The following EBF3 variants were observed in gnomAD, a reference collection of about 807,000 sequenced individuals.
EBF3 encodes the protein EBF transcription factor 3.
In EBF3, 18 loss-of-function variants were observed where a neutral mutation model predicts 77.1. The observed-to-expected ratio is 0.23, with a 90% CI of 0.16 to 0.35. The LOEUF (loss-of-function observed/expected upper bound fraction) is 0.35, where lower values mean the gene tolerates loss of function less well. Among genes scored for constraint, EBF3 ranks in the 10% least tolerant of loss-of-function variants. EBF3 has a pLI of 1.00. For missense variants in EBF3, 558 were observed against 860.0 expected (o/e 0.65, Z 4.39); for synonymous variants, 350 against 343.5 (o/e 1.02, Z -0.21).
chr10:129,916,919 T>C (rs1327436978), intron 6 of EBF3, among the ~76,000 whole-genome samples: 2 of 152,168 alleles, frequency 1.3e-5, no homozygotes, highest in Admixed American at 6.5e-5. Context: ...TGAGGGCTAG[T>C]GACCCCCAAA....
In EBF3 at chr10:129,945,927, C is replaced by T. The variant is rs778172838; in HGVS notation, c.554+11331G>A. Among the ~76,000 whole-genome samples the T allele has an allele frequency of 5.5e-4, 84 of 151,766 alleles. 1 individual carries two copies. Among genetic ancestry groups the T allele is most frequent in the Middle Eastern group, 3.2e-3 (1 of 316 alleles). ...ATTGTTTCTCTGTGGAGTGCTTTTA[C>T]GTTTAGTGGAGGCCGCTGACAAATA... On this transcript the variant is annotated intron_variant, in intron 6 of 16. Transcript: ENST00000440978.
rs148392956 is a variant in EBF3, at chr10:129,896,284, A to G, written c.555-18435T>C. On this transcript the variant is annotated intron_variant, in intron 6 of 16. Transcript: ENST00000440978. The stretch of plus-strand genomic sequence containing the variant: ...CGGATGTCAGGTGGCCTCAGTGGTC[A>G]TAGCAGCCACCATGCAAAAACAAGC... 9.0e-3 allele frequency among the ~76,000 whole-genome samples: 1,365 copies of G among 152,380 alleles called. 15 individuals carry two copies. Among genetic ancestry groups the G allele is most frequent in the South Asian group, 0.017 (82 of 4,834 alleles).
At chr10:129,907,367 G>A (rs1855217703) in intron 6 of EBF3, among the ~76,000 whole-genome samples, 1 of 152,200 alleles carries the variant, frequency 6.6e-6, no homozygotes, top group Non-Finnish European at 1.5e-5. Flanking sequence ...AATGCTCCAG[G>A]AATATTTTAT....
intron 10 of EBF3, among the ~76,000 whole-genome samples, chr10:129,852,317 G>A (rs1364915203): frequency 6.6e-6 from 1 of 152,214 alleles, no homozygotes; most frequent in African/African-American, 2.4e-5. Context: ...TGTACTGGGG[G>A]ATTCATCACA....
chr10:129,928,192 T>C (rs7894627), intron 6 of EBF3, among the ~76,000 whole-genome samples: 6,795 of 152,292 alleles, frequency 0.045, 481 homozygotes, highest in African/African-American at 0.15. Flanking sequence ...GTGTGAAGCA[T>C]TGTAAGCTTT....
At chr10:129,845,562 C>T (rs970958862) in intron 11 of EBF3, 1 of 152,040 alleles carries the variant, frequency 6.6e-6, no homozygotes, top group African/African-American at 2.4e-5. Context: ...ACCAAGGTGA[C>T]GTTGCTTCAG....
rs1401187620 is a variant in EBF3, at chr10:129,885,037, C to A, written c.555-7188G>T. ...TTAGGTTTAGAAAATTAACCCTTCA[C>A]AGCCTAGAGCCACACTAGGCCCCAC... On this transcript the variant is annotated intron_variant, in intron 6 of 16. Coordinates refer to ENST00000440978, the MANE Select transcript of EBF3 (RefSeq NM_001375380.1). The surrounding 1 kb of genome is among the most constrained non-coding windows in gnomAD (Gnocchi z 4.0). 3.3e-5 allele frequency among the ~76,000 whole-genome samples: 5 copies of A among 152,220 alleles called. No individual in the cohort carries two copies. Among genetic ancestry groups the A allele is most frequent in the Non-Finnish European group, 5.9e-5 (4 of 68,042 alleles).
At chr10:129,894,988 G>A (rs902870305) in intron 6 of EBF3, among the ~76,000 whole-genome samples, 1 of 152,206 alleles carries the variant, frequency 6.6e-6, no homozygotes, top group Non-Finnish European at 1.5e-5. Context: ...GGGCAAGGCA[G>A]TGCTCATGGC....
chr10:129,873,412 A>G (rs750484895), intron 8 of EBF3, 40 bp downstream of exon 8: 30 of 1,475,416 alleles, frequency 2.0e-5, no homozygotes, highest in Non-Finnish European at 2.6e-5. Flanking sequence ...AAAGAAAAAG[A>G]AGCATCGCAA....
intron 6 of EBF3, among the ~76,000 whole-genome samples, chr10:129,884,241 C>T (rs553434197): frequency 8.5e-5 from 13 of 152,228 alleles, no homozygotes; most frequent in East Asian, 1.9e-4. Flanking sequence ...CGATCGGGTT[C>T]GGGCGCTTCA....
chr10:129,883,940 A>G (rs930798375), intron 6 of EBF3, among the ~76,000 whole-genome samples: 7 of 152,248 alleles, frequency 4.6e-5, no homozygotes, highest in Non-Finnish European at 1.0e-4. Context: ...TCAGCGAACA[A>G]AAAACGTCCT....
chr10:129,841,848 G>A lies in EBF3; in HGVS notation c.1372+268C>T, dbSNP rs1462550887. Among the ~76,000 whole-genome samples the A allele has an allele frequency of 6.6e-6, 1 of 152,152 alleles. No individual in the cohort carries two copies. The highest frequency in any genetic ancestry group is 1.5e-5 in the Non-Finnish European group (1 of 68,030). On this transcript the variant is annotated intron_variant, in intron 13 of 16. Transcript: ENST00000440978. The surrounding 1 kb of genome is among the most constrained non-coding windows in gnomAD (Gnocchi z 4.6). ...CAAAGTCTCTTATGAACACATTGAG[G>A]GAAACTTCTAGCAAATACCAGTGAC...
chr10:129,883,406 A>C (rs1339344764), intron 6 of EBF3, among the ~76,000 whole-genome samples: 2 of 152,200 alleles, frequency 1.3e-5, no homozygotes, highest in Admixed American at 1.3e-4. Flanking sequence ...GTAATGTGGG[A>C]AATCAGAGTC....
At position 129,864,626 on chromosome 10, in the gene EBF3, T is replaced by A. The variant is rs936121310; in HGVS notation, c.1039+2515A>T. On this transcript the variant is annotated intron_variant, in intron 10 of 16. Coordinates refer to ENST00000440978, the MANE Select transcript of EBF3 (RefSeq NM_001375380.1). The surrounding 1 kb of genome is among the most constrained non-coding windows in gnomAD (Gnocchi z 4.4). ...TCCGGGATGGGCTGACAGTCCAGTG[T>A]AAGAACAGGGGGCTTATTCATCCAT... 6.6e-6 allele frequency among the ~76,000 whole-genome samples: 1 copy of A among 152,200 alleles called. No homozygotes were observed. The highest frequency in any genetic ancestry group is 2.4e-5 in the African/African-American group (1 of 41,428).
chr10:129,925,351 T>C (rs1161337188), intron 6 of EBF3, among the ~76,000 whole-genome samples: 2 of 151,790 alleles, frequency 1.3e-5, no homozygotes, highest in East Asian at 3.9e-4. Context: ...CTGAAACTCT[T>C]AGGACAATGT....
rs1162714375 is a variant in EBF3, at chr10:129,873,499, C to T, written c.734G>A (p.Arg245His). The stretch of plus-strand genomic sequence containing the variant: ...CGTACCTTCTGACGGGTCTAGGCGG[C>T]GGGCCCGCCTCCCGTGTTTGGAATT... ...HNNSKHGRRARRLDPSEGTAP... is the reference protein window; with the variant it reads ...HNNSKHGRRAHRLDPSEGTAP... The change falls in exon 8 of 17, where the codon CGC becomes CAC. Residue 245 changes from arginine (R) to histidine (H), a missense_variant. Around this residue, in one of 5 missense-constraint regions of EBF3, gnomAD observed 112 missense variants for 207.7 expected, o/e 0.54. Coordinates refer to ENST00000440978, the MANE Select transcript of EBF3 (RefSeq NM_001375380.1). 6 of 1,591,750 alleles carry T rather than the reference C, an allele frequency of 3.8e-6. No individual in the cohort carries two copies. The highest frequency in any genetic ancestry group is 1.1e-5 in the South Asian group (1 of 88,086).
In EBF3 at chr10:129,864,868, G is replaced by A. The variant is rs1178525192; in HGVS notation, c.1039+2273C>T. ...GAGCAGAGTCCCACAGAACCCAGCC[G>A]AAGTTCACCCTCAGTGACTTTCCAC... On this transcript the variant is annotated intron_variant, in intron 10 of 16. Transcript: ENST00000440978. This position sits in a 1 kb window ranked among gnomAD's most constrained non-coding sequence, Gnocchi z 4.4. Among the ~76,000 whole-genome samples the A allele has an allele frequency of 6.6e-6, 1 of 152,158 alleles. No individual in the cohort carries two copies. Among genetic ancestry groups the A allele is most frequent in the Non-Finnish European group, 1.5e-5 (1 of 68,028 alleles).
At chr10:129,868,889 C>T (rs1443865870) in intron 8 of EBF3, among the ~76,000 whole-genome samples, 2 of 152,346 alleles carry the variant, frequency 1.3e-5, no homozygotes, top group East Asian at 3.9e-4. Context: ...TGCCTGCCCA[C>T]GCCTGCCAAA....
chr10:129,905,848 T>C (rs1371429180), intron 6 of EBF3, among the ~76,000 whole-genome samples: 3 of 152,210 alleles, frequency 2.0e-5, no homozygotes, highest in African/African-American at 7.2e-5. Context: ...AGGTGACATT[T>C]GTTTCATTAA....
Sources: gnomAD v4.1 joint callset for allele counts (sites outside exome capture counted in the v4.1 genomes callset) on GRCh38, gnomAD v4.1.1 for gene constraint, gnomAD v4.1.1 regional missense constraint, Gnocchi (gnomAD v3.1) non-coding constraint, MANE v1.5 for transcripts, NCBI Gene and HGNC (gene_info 2026-07-23, HGNC 2026-07-21) for gene names.